Variants in R3HCC1L observed in about 807,000 individuals in gnomAD.
R3HCC1L encodes the protein R3H domain and coiled-coil containing 1 like, also known as coiled-coil domain-containing protein R3HCC1L.
Under a neutral mutation model 59.9 loss-of-function variants are expected in R3HCC1L, and 51 were observed. The observed-to-expected ratio is 0.85, with a 90% confidence interval of 0.68 to 1.07. The LOEUF (loss-of-function observed/expected upper bound fraction) is 1.07, where lower values mean the gene tolerates loss of function less well. Ranked by LOEUF, R3HCC1L falls within the 50% of genes least tolerant of loss-of-function variation. The pLI is 0.00. For missense variants in R3HCC1L, 965 were observed against 933.0 expected (o/e 1.03, Z -0.45); for synonymous variants, 322 against 315.2 (o/e 1.02, Z -0.23).
rs566076117 is a variant in R3HCC1L, at chr10:98,189,455, G to A, written c.-14-18646G>A. Among the ~76,000 whole-genome samples the A allele has an allele frequency of 2.0e-5, 3 of 152,202 alleles. No individual in the cohort carries two copies. In the South Asian group the frequency reaches 6.2e-4, roughly 32 times the overall value. ...TTTTAGTAAGGTCTATCTATGTAAG[G>A]TCTCTCAGTGAGTGTCTACCTGGGT... On this transcript the variant is annotated intron_variant, in intron 4 of 9. Transcript: ENST00000298999.
At chr10:98,155,824 T>G (rs1362502181) in intron 1 of R3HCC1L, among the ~76,000 whole-genome samples, 1 of 151,956 alleles carries the variant, frequency 6.6e-6, no homozygotes, top group African/African-American at 2.4e-5. Context: ...TCATTATATT[T>G]GGAGTTTCTA....
chr10:98,227,846 C>G (rs1480752359), intron 5 of R3HCC1L, among the ~76,000 whole-genome samples: 1 of 151,664 alleles, frequency 6.6e-6, no homozygotes, highest in Non-Finnish European at 1.5e-5. Flanking sequence ...GTTTTTTGTC[C>G]TTGCGATAGT....
At position 98,234,320 on chromosome 10, in the gene R3HCC1L, C is replaced by T. The variant is rs1194669202; in HGVS notation, c.1962-126C>T. ...CCAAACTGTTTTCTGTGTCATTATCCCCATTCCACCTGTGCACTCGTTGAG... is the reference window on the plus strand; with the variant it reads ...CCAAACTGTTTTCTGTGTCATTATCTCCATTCCACCTGTGCACTCGTTGAG... On this transcript the variant is annotated intron_variant, in intron 6 of 9. Transcript: ENST00000298999. 2.3e-5 allele frequency: 18 copies of T among 794,754 alleles called. No individual in the cohort carries two copies. The East Asian group carries it at 4.8e-4, about 21-fold the overall frequency. The allele number at this position is 794,754 out of a possible 1,614,324, so 49.2% of individuals were successfully genotyped here. A position where few individuals can be genotyped will look rare whatever the true frequency, so the allele number is the denominator to read the frequency against.
In R3HCC1L at chr10:98,208,918, T is replaced by C; in HGVS notation, c.804T>C (p.Ser268=). The change falls in exon 5 of 10, where the codon TCT becomes TCC. Residue 268 remains serine, a synonymous_variant. Coordinates refer to ENST00000298999, the MANE Select transcript of R3HCC1L (RefSeq NM_001351015.2). ...GCAGCGGAGGCATCACCACTACTTC[T>C]GTTCCTGGAAGTCCAGATGGTGTCT... The part of the protein sequence containing the change: ...NPSSGGITTT[S]VPGSPDGVFD... 4 of 1,614,112 alleles carry C rather than the reference T, an allele frequency of 2.5e-6. No individual in the cohort carries two copies. Among genetic ancestry groups the C allele is most frequent in the Non-Finnish European group, 2.5e-6 (3 of 1,179,992 alleles).
chr10:98,138,981 T>C (rs1419219749), intron 1 of R3HCC1L, among the ~76,000 whole-genome samples: 1 of 152,230 alleles, frequency 6.6e-6, no homozygotes, highest in Non-Finnish European at 1.5e-5. Context: ...TTATTTTTTT[T>C]CTGAAAGGTA....
chr10:98,206,272 C>A (rs1054043644), intron 4 of R3HCC1L, among the ~76,000 whole-genome samples: 4 of 147,914 alleles, frequency 2.7e-5, no homozygotes, highest in Non-Finnish European at 6.0e-5. Flanking sequence ...GCCTTTAGAT[C>A]TTTCTTTATG....
intron 4 of R3HCC1L, among the ~76,000 whole-genome samples, chr10:98,179,638 G>A (rs561031186): frequency 3.3e-4 from 51 of 152,270 alleles, no homozygotes; most frequent in African/African-American, 1.1e-3. Flanking sequence ...GGAAGGAATG[G>A]TACCAGCTCC....
intron 4 of R3HCC1L, among the ~76,000 whole-genome samples, chr10:98,194,797 CAAA>C (rs1485992016): frequency 6.6e-6 from 1 of 152,086 alleles, no homozygotes; most frequent in Non-Finnish European, 1.5e-5. Context: ...TGGCCGCCAT[CAAA>C]GAAGAAACAG....
At chr10:98,145,848 CT>C (rs1198895260) in intron 1 of R3HCC1L, among the ~76,000 whole-genome samples, 1 of 151,890 alleles carries the variant, frequency 6.6e-6, no homozygotes, top group African/African-American at 2.4e-5. Flanking sequence ...ACTCGGGAGG[CT>C]GAGGCAGGAG....
intron 2 of R3HCC1L, among the ~76,000 whole-genome samples, chr10:98,159,921 A>G (rs1847237185): frequency 6.6e-6 from 1 of 152,220 alleles, no homozygotes; most frequent in Admixed American, 6.5e-5. Context: ...ACATCTGGGA[A>G]ATAGGTATAT....
intron 1 of R3HCC1L, among the ~76,000 whole-genome samples, chr10:98,145,013 A>C (rs1845519782): frequency 6.6e-6 from 1 of 152,208 alleles, no homozygotes; most frequent in Non-Finnish European, 1.5e-5. Flanking sequence ...TTTACTGATG[A>C]GTAGTAAGGA....
chr10:98,158,693 C>T (rs986599736), intron 2 of R3HCC1L, among the ~76,000 whole-genome samples: 6 of 152,158 alleles, frequency 3.9e-5, no homozygotes, highest in Non-Finnish European at 8.8e-5. Flanking sequence ...TCAGATTTTA[C>T]TCATTGGCCC....
At chr10:98,204,664 T>C (rs1453663614) in intron 4 of R3HCC1L, among the ~76,000 whole-genome samples, 1 of 152,224 alleles carries the variant, frequency 6.6e-6, no homozygotes, top group South Asian at 2.1e-4. Flanking sequence ...GTCATCCATG[T>C]ATGAAAATAT....
chr10:98,145,668 C>A (rs1248927986), intron 1 of R3HCC1L, among the ~76,000 whole-genome samples: 3 of 152,204 alleles, frequency 2.0e-5, no homozygotes, highest in Non-Finnish European at 4.4e-5. Flanking sequence ...GAAAACCATT[C>A]TCGCTGGGCG....
intron 2 of R3HCC1L, among the ~76,000 whole-genome samples, chr10:98,158,567 A>G (rs1847103040): frequency 6.6e-6 from 1 of 152,192 alleles, no homozygotes; most frequent in Non-Finnish European, 1.5e-5. Flanking sequence ...TTATACCTAA[A>G]TAGTTAAGTG....
chr10:98,211,247 G>A, intron 5 of R3HCC1L: 2 of 1,094,168 alleles, frequency 1.8e-6, no homozygotes, highest in African/African-American at 1.6e-5. Context: ...TATCACCTAG[G>A]AACTTGTTAG....
intron 1 of R3HCC1L, among the ~76,000 whole-genome samples, chr10:98,144,307 C>G (rs1362444253): frequency 1.3e-5 from 2 of 152,092 alleles, no homozygotes; most frequent in African/African-American, 2.4e-5. Flanking sequence ...CCTCCGCCTC[C>G]CAGGTTCAAG....
At chr10:98,179,150 A>G (rs1333213595) in intron 4 of R3HCC1L, among the ~76,000 whole-genome samples, 1 of 152,206 alleles carries the variant, frequency 6.6e-6, no homozygotes, top group African/African-American at 2.4e-5. Flanking sequence ...CAGTTTTCAA[A>G]GGGAATGCTT....
chr10:98,154,199 AAAAAG>A, intron 1 of R3HCC1L, among the ~76,000 whole-genome samples: 1 of 151,890 alleles, frequency 6.6e-6, no homozygotes, highest in South Asian at 2.1e-4. Flanking sequence ...AAAAAAAAAA[AAAAAG>A]GAAGAAAGAG....
Sources: allele counts gnomAD v4.1 joint callset (sites outside exome capture counted in the v4.1 genomes callset), GRCh38; gene constraint gnomAD v4.1.1; transcripts MANE v1.5; gene names NCBI Gene and HGNC (gene_info 2026-07-23, HGNC 2026-07-21).